The following ZFHX3 variants were observed in gnomAD, a reference collection of about 807,000 sequenced individuals.
The protein encoded by ZFHX3 is zinc finger homeobox 3, also known as zinc finger homeobox protein 3.
Under a neutral mutation model 279.1 loss-of-function variants are expected in ZFHX3, and 42 were observed. The ratio of observed to expected loss-of-function variants is 0.15; its 90% CI spans 0.12 to 0.19. The LOEUF is 0.19. ZFHX3 is among the 10% of genes least tolerant of loss of function. ZFHX3 has a pLI of 1.00. For missense variants in ZFHX3, 4,981 were observed against 4,754.0 expected, an observed-to-expected ratio of 1.05 and a Z score of -1.40; for synonymous variants, 2,293 against 1,957.8, an observed-to-expected ratio of 1.17 and a Z score of -4.52.
At chr16:73,716,612 A>AACACACACAC (rs144449904) in intron 1 of ZFHX3, among the ~76,000 whole-genome samples, 351 of 31,782 alleles carry the variant, frequency 0.011, 1 homozygote, top group African/African-American at 0.016. Flanking sequence ...TCTTACTCTG[A>AACACACACAC]ACACACACAC....
chr16:72,923,787 C>T (rs1959278840), intron 3 of ZFHX3, among the ~76,000 whole-genome samples: 1 of 152,110 alleles, frequency 6.6e-6, no homozygotes, highest in Admixed American at 6.5e-5. Context: ...AAATCAGCAC[C>T]ACTAAGAAAA....
intron 1 of ZFHX3, among the ~76,000 whole-genome samples, chr16:73,856,355 A>C (rs1961726916): frequency 6.6e-6 from 1 of 152,228 alleles, no homozygotes; most frequent in South Asian, 2.1e-4. Flanking sequence ...CTGAAAAACA[A>C]GGTTGGACGC....
At chr16:73,607,888 G>A (rs929439102) in intron 2 of ZFHX3, among the ~76,000 whole-genome samples, 1 of 152,018 alleles carries the variant, frequency 6.6e-6, no homozygotes, top group African/African-American at 2.4e-5. Context: ...TAGGCAACAT[G>A]GCAAAACCCT....
intron 1 of ZFHX3, among the ~76,000 whole-genome samples, chr16:72,961,506 TGCTGCTCCTCCTGGAGAACATGTG>T (rs1206352663): frequency 6.6e-6 from 1 of 152,140 alleles, no homozygotes; most frequent in Non-Finnish European, 1.5e-5. Flanking sequence ...ACCATTCCCC[TGCTGCTCCTCCTGGAGAACATGTG>T]GCTGCTCCTC....
chr16:72,981,249 C>A (rs917840688), intron 1 of ZFHX3, among the ~76,000 whole-genome samples: 1 of 152,194 alleles, frequency 6.6e-6, no homozygotes, highest in Admixed American at 6.5e-5. Flanking sequence ...CAGAAAAAGA[C>A]AATATGCATC....
intron 3 of ZFHX3, among the ~76,000 whole-genome samples, chr16:73,320,321 C>G (rs2161701): frequency 2.0e-5 from 3 of 152,040 alleles, no homozygotes; most frequent in African/African-American, 7.2e-5. Context: ...CAACAGTGAA[C>G]AAAACTCAAC....
intron 2 of ZFHX3, among the ~76,000 whole-genome samples, chr16:73,564,775 C>T (rs1225245387): frequency 6.6e-6 from 1 of 152,180 alleles, no homozygotes; most frequent in African/African-American, 2.4e-5. Context: ...CAAGTCTGCT[C>T]AGGTTATAAA....
chr16:73,688,230 G>A (rs1235067299), intron 1 of ZFHX3, among the ~76,000 whole-genome samples: 3 of 151,936 alleles, frequency 2.0e-5, no homozygotes, highest in African/African-American at 7.3e-5. Context: ...AGTGGCACAT[G>A]CCTGTAATCT....
In ZFHX3 at chr16:72,794,448, A is replaced by C; in HGVS notation, c.8234T>G (p.Leu2745Arg). The C allele has an allele frequency of 6.2e-7, 1 of 1,614,070 alleles. No individual in the cohort carries two copies. The change falls in exon 9 of 10, where the codon CTA becomes CGA. Residue 2745 changes from leucine (L) to arginine (R), a missense_variant. Physicochemically the swap from Leu to Arg is moderately radical, Grantham distance 102 (BLOSUM62 -2). Coordinates refer to ENST00000268489, the MANE Select transcript of ZFHX3 (RefSeq NM_006885.4). The surrounding 1 kb of genome is among the most constrained non-coding windows in gnomAD (Gnocchi z 4.2). ...WHEAKRAGYNLTLSAMLLDCD... is the reference protein window; with the variant it reads ...WHEAKRAGYNRTLSAMLLDCD... ...GTCTAAGAGCATCGCAGACAGAGTT[A>C]GGTTGTAGCCAGCTCTCTTGGCTTC...
At chr16:73,263,042 C>A (rs1443412248) in intron 4 of ZFHX3, among the ~76,000 whole-genome samples, 1 of 152,144 alleles carries the variant, frequency 6.6e-6, no homozygotes, top group Non-Finnish European at 1.5e-5. Flanking sequence ...CCAGCCATCC[C>A]AGCCACCCCA....
intron 5 of ZFHX3, among the ~76,000 whole-genome samples, chr16:73,161,608 T>C (rs1967237562): frequency 6.6e-6 from 1 of 152,168 alleles, no homozygotes; most frequent in African/African-American, 2.4e-5. Context: ...GTTTGTGTAT[T>C]CCTGCATTAG....
chr16:72,998,648 C>T (rs1287638834), intron 1 of ZFHX3, among the ~76,000 whole-genome samples: 1 of 152,148 alleles, frequency 6.6e-6, no homozygotes, highest in African/African-American at 2.4e-5. Context: ...AATGTAAAAC[C>T]CTGGCTTCCT....
At chr16:73,265,134 G>C (rs1026770695) in intron 4 of ZFHX3, among the ~76,000 whole-genome samples, 1 of 148,670 alleles carries the variant, frequency 6.7e-6, no homozygotes, top group Non-Finnish European at 1.5e-5. Flanking sequence ...TCTACTTGTT[G>C]ATTAATGGGC....
Position 73,524,264 on chromosome 16 carries a change from C to T in ZFHX3, c.-1546-68006G>A, listed in dbSNP as rs1597369149. Among the ~76,000 whole-genome samples, 2 of 152,312 alleles carry T rather than the reference C, an allele frequency of 1.3e-5. 1 individual carries two copies. The highest frequency in any genetic ancestry group is 4.1e-4 in the South Asian group (2 of 4,822). The stretch of plus-strand genomic sequence containing the variant: ...TTTCCTATTACTTGGCTTTCTCCCT[C>T]AGAAAGTGACAGGAAGTCCACTAGA... On this transcript the variant is annotated intron_variant, in intron 2 of 17. Coordinates refer to the ZFHX3 transcript ENST00000641206.
In ZFHX3 at chr16:72,796,897, G is replaced by C; in HGVS notation, c.5785C>G (p.Pro1929Ala). The C allele has an allele frequency of 6.2e-7, 1 of 1,613,802 alleles. No homozygotes were observed. The highest frequency in any genetic ancestry group is 2.2e-5 in the East Asian group (1 of 44,804). The change falls in exon 9 of 10, where the codon CCT becomes GCT. Residue 1929 changes from proline (P) to alanine (A), a missense_variant. Pro to Ala is a conservative substitution (Grantham distance 27, BLOSUM62 -1). This residue lies in a region of ZFHX3 where 1,751 missense variants were observed against 1,770.0 expected (regional missense o/e 0.99). Coordinates refer to ENST00000268489, the MANE Select transcript of ZFHX3 (RefSeq NM_006885.4). ...KELAPGGGSE[P>A]SMLPPRIASD... ...GCAATGCGTGGAGGGAGCATGGAAGGCTCAGAACCACCCCCTGGTGCCAAC... is the reference window on the plus strand; with the variant it reads ...GCAATGCGTGGAGGGAGCATGGAAGCCTCAGAACCACCCCCTGGTGCCAAC...
chr16:73,634,533 T>C (rs1046037044), intron 2 of ZFHX3, among the ~76,000 whole-genome samples: 2 of 150,958 alleles, frequency 1.3e-5, no homozygotes, highest in Non-Finnish European at 2.9e-5. Context: ...ATTTTACAGA[T>C]ACAGTTTTTA....
At chr16:73,812,276 C>T (rs191131287) in intron 1 of ZFHX3, among the ~76,000 whole-genome samples, 179 of 152,306 alleles carry the variant, frequency 1.2e-3, no homozygotes, top group African/African-American at 4.0e-3. Context: ...AAAATCTGTC[C>T]TGGAAACACT....
chr16:73,272,063 A>G (rs578231975), intron 4 of ZFHX3, among the ~76,000 whole-genome samples: 56 of 152,360 alleles, frequency 3.7e-4, no homozygotes, highest in African/African-American at 1.2e-3. Flanking sequence ...CACACAGCCT[A>G]TGGGATAACA....
chr16:73,659,041 G>T (rs2052752103), intron 2 of ZFHX3, among the ~76,000 whole-genome samples: 2 of 152,136 alleles, frequency 1.3e-5, no homozygotes, highest in Non-Finnish European at 2.9e-5. Context: ...AGAAAGAGAT[G>T]GAGAGAGATG....
Sources: gnomAD v4.1 joint callset for allele counts (sites outside exome capture counted in the v4.1 genomes callset) on GRCh38, gnomAD v4.1.1 for gene constraint, gnomAD v4.1.1 regional missense constraint, Gnocchi (gnomAD v3.1) non-coding constraint, MANE v1.5 for transcripts, NCBI Gene and HGNC (gene_info 2026-07-23, HGNC 2026-07-21) for gene names.